The following PCDH1 variants were observed in gnomAD, a reference collection of about 807,000 sequenced individuals.
PCDH1 encodes protocadherin-1.
Under a neutral mutation model 74.6 loss-of-function variants are expected in PCDH1, and 23 were observed. That is an observed-to-expected ratio of 0.31 (90% CI 0.22 to 0.44). The LOEUF (loss-of-function observed/expected upper bound fraction) is 0.44, where lower values mean the gene tolerates loss of function less well. Among genes scored for constraint, PCDH1 ranks in the 20% least tolerant of loss-of-function variants. The probability of loss-of-function intolerance (pLI) is 1.00; values close to 1 mark genes in which losing one functional copy is unlikely to be tolerated. For missense variants in PCDH1, 1,214 were observed against 1,641.4 expected, an observed-to-expected ratio of 0.74 and a Z score of 4.50; for synonymous variants, 647 against 686.1, an observed-to-expected ratio of 0.94 and a Z score of 0.89.
At chr5:141,867,116 C>T (rs1218762326) in intron 2 of PCDH1, among the ~76,000 whole-genome samples, 2 of 152,222 alleles carry the variant, frequency 1.3e-5, no homozygotes, top group Non-Finnish European at 2.9e-5. Context: ...TCTCCCTTGG[C>T]TCTAGATTGG....
At chr5:141,860,209 C>T (rs193054799) in intron 3 of PCDH1, among the ~76,000 whole-genome samples, 1 of 152,218 alleles carries the variant, frequency 6.6e-6, no homozygotes, top group East Asian at 1.9e-4. Context: ...ATTCAGAAAA[C>T]TCAAGAGGTA....
chr5:141,855,217 C>T (rs56143201), intron 4 of PCDH1, among the ~76,000 whole-genome samples: 24,473 of 151,950 alleles, frequency 0.16, 2,018 homozygotes, highest in South Asian at 0.23. Flanking sequence ...TCAAGCAATC[C>T]GCCTGCCTCA....
rs780489492 is a variant in PCDH1, at chr5:141,868,508, G to A, written c.903+61C>T. ...AAGTGAAGGGAACTCTCACCTGGTT[G>A]GGTGGGCTCCCATTTCTAGTGGTGG... On this transcript the variant is annotated intron_variant, in intron 2 of 4. Coordinates refer to ENST00000287008, the MANE Select transcript of PCDH1 (RefSeq NM_032420.5). The surrounding 1 kb of genome is among the most constrained non-coding windows in gnomAD (Gnocchi z 4.8). The A allele has an allele frequency of 6.6e-7, 1 of 1,511,260 alleles. No homozygotes were observed. Among genetic ancestry groups the A allele is most frequent in the Non-Finnish European group, 8.8e-7 (1 of 1,131,938 alleles). 93.6% of individuals were successfully genotyped at this position (1,511,260 alleles called of 1,614,324 possible).
chr5:141,878,325 G>A lies in PCDH1; in HGVS notation c.-63C>T, dbSNP rs1753295647. 8.7e-7 allele frequency: 1 copy of A among 1,154,072 alleles called. No individual in the cohort carries two copies. The highest frequency in any genetic ancestry group is 1.1e-6 in the Non-Finnish European group (1 of 928,834). 71.5% of individuals were successfully genotyped at this position (1,154,072 alleles called of 1,614,324 possible). On this transcript the variant is annotated 5_prime_UTR_variant, in exon 1 of 5. Coordinates refer to ENST00000287008, the MANE Select transcript of PCDH1 (RefSeq NM_032420.5). This position sits in a 1 kb window ranked among gnomAD's most constrained non-coding sequence, Gnocchi z 5.5. ...ACGGCTGGGGCTGGAGCTGCAGTTC[G>A]GGCTCCGGCTCCGGCTCCGGCTGGC...
chr5:141,866,906 A>G lies in PCDH1; in HGVS notation c.904-1479T>C, dbSNP rs1248127044. Among the ~76,000 whole-genome samples, 8 of 152,278 alleles carry G rather than the reference A, an allele frequency of 5.3e-5. No homozygotes were observed. In the East Asian group the frequency reaches 1.5e-3, roughly 29 times the overall value. ...TGGGCACTGCACCTAGTGAGCCCTC[A>G]AGCCACTGCCAGTCCTCTCCTCCTT... On this transcript the variant is annotated intron_variant, in intron 2 of 4. Transcript: ENST00000287008.
chr5:141,854,698 T>A (rs937589021), intron 4 of PCDH1, among the ~76,000 whole-genome samples: 4 of 152,050 alleles, frequency 2.6e-5, no homozygotes, highest in Non-Finnish European at 4.4e-5. Flanking sequence ...TGAGATGGAG[T>A]CTTGCTCTTG....
At chr5:141,872,050 C>T (rs1006790377) in intron 1 of PCDH1, among the ~76,000 whole-genome samples, 3 of 152,012 alleles carry the variant, frequency 2.0e-5, no homozygotes, top group Non-Finnish European at 4.4e-5. Flanking sequence ...GTGTGTGCGG[C>T]GTTATCAGAT....
chr5:141,862,941 G>A, intron 3 of PCDH1: 1 of 1,236,044 alleles, frequency 8.1e-7, no homozygotes, highest in Non-Finnish European at 1.0e-6. Flanking sequence ...CAACCCATAA[G>A]GCCCAGTAGC....
At position 141,865,772 on chromosome 5, in the gene PCDH1, C is replaced by G. The variant is rs917014674; in HGVS notation, c.904-345G>C. 6.6e-6 allele frequency among the ~76,000 whole-genome samples: 1 copy of G among 152,216 alleles called. No individual in the cohort carries two copies. The highest frequency in any genetic ancestry group is 1.5e-5 in the Non-Finnish European group (1 of 68,040). ...AGGAGAGGATGAGGATCCAATAGAA[C>G]TAGGGAAGCCATTTCACCAATGAAC... On this transcript the variant is annotated intron_variant, in intron 2 of 4. Transcript: ENST00000287008. This position sits in a 1 kb window ranked among gnomAD's most constrained non-coding sequence, Gnocchi z 4.4.
rs374295073 is a variant in PCDH1 at position 141,865,009 on chromosome 5, T to A, written c.1322A>T (p.Gln441Leu). Reference protein sequence around the residue: ...TCVVAGDVPFQLRQASETGSD... With the variant: ...TCVVAGDVPFLLRQASETGSD... ...GCCTGTCTCACTGGCCTGGCGCAGC[T>A]GGAAGGGCACATCACCTGCCACCAC... The change falls in exon 3 of 5, where the codon CAG becomes CTG. Residue 441 changes from glutamine to leucine, a missense_variant. Physicochemically the swap from Gln to Leu is moderately radical, Grantham distance 113. Around this residue, in one of 4 missense-constraint regions of PCDH1, gnomAD observed 836 missense variants for 1,182.2 expected, o/e 0.71. Transcript: ENST00000287008. This position sits in a 1 kb window ranked among gnomAD's most constrained non-coding sequence, Gnocchi z 4.4. 1.9e-6 allele frequency: 3 copies of A among 1,614,136 alleles called. No individual in the cohort carries two copies. Among genetic ancestry groups the A allele is most frequent in the Non-Finnish European group, 2.5e-6 (3 of 1,180,026 alleles).
intron 3 of PCDH1, among the ~76,000 whole-genome samples, chr5:141,859,628 T>C (rs2126808179): frequency 6.6e-6 from 1 of 152,288 alleles, no homozygotes; most frequent in Non-Finnish European, 1.5e-5. Flanking sequence ...CTGAGAATCC[T>C]GGTAGCTCTC....
chr5:141,866,402 G>A (rs1011287647), intron 2 of PCDH1, among the ~76,000 whole-genome samples: 2 of 152,326 alleles, frequency 1.3e-5, no homozygotes, highest in East Asian at 1.9e-4. Flanking sequence ...ACGCGCACTC[G>A]ACTCAACTCT....
chr5:141,866,060 G>A, intron 2 of PCDH1: 1 of 985,932 alleles, frequency 1.0e-6, no homozygotes, highest in Middle Eastern at 5.2e-4. Flanking sequence ...GCACACATGA[G>A]TAAAGACTCA....
intron 1 of PCDH1, among the ~76,000 whole-genome samples, chr5:141,876,069 C>T (rs1379390761): frequency 2.0e-5 from 3 of 152,096 alleles, no homozygotes; most frequent in Admixed American, 2.0e-4. Flanking sequence ...CGGGCGCTCC[C>T]AGCACACACC....
At chr5:141,876,511 C>T (rs1645717469) in intron 1 of PCDH1, among the ~76,000 whole-genome samples, 1 of 152,214 alleles carries the variant, frequency 6.6e-6, no homozygotes, top group Admixed American at 6.5e-5. Flanking sequence ...TTGCCCTACG[C>T]TCAATCCTCC....
Position 141,863,149 on chromosome 5 carries a change from C to G in PCDH1, c.3099+83G>C. ...GGCAGGCACAGTAAACCTGCTCCATCACTCCCACACCTCGGTCCAGATGGC... is the reference window on the plus strand; with the variant it reads ...GGCAGGCACAGTAAACCTGCTCCATGACTCCCACACCTCGGTCCAGATGGC... On this transcript the variant is annotated intron_variant, in intron 3 of 4. Coordinates refer to ENST00000287008, the MANE Select transcript of PCDH1 (RefSeq NM_032420.5). This position sits in a 1 kb window ranked among gnomAD's most constrained non-coding sequence, Gnocchi z 7.5. 1 of 1,474,706 alleles carries G rather than the reference C, an allele frequency of 6.8e-7. No individual in the cohort carries two copies. Among genetic ancestry groups the G allele is most frequent in the Non-Finnish European group, 9.0e-7 (1 of 1,110,450 alleles). 91.4% of individuals were successfully genotyped at this position (1,474,706 alleles called of 1,614,324 possible).
chr5:141,872,452 T>A lies in PCDH1; in HGVS notation c.41-3021A>T, dbSNP rs116697937. On this transcript the variant is annotated intron_variant, in intron 1 of 4. Coordinates refer to ENST00000287008, the MANE Select transcript of PCDH1 (RefSeq NM_032420.5). ...AGATAGTTAATCTTCTGTGGTCACA[T>A]CCTCCTTCAAGAATTTTATAAAACC... Among the ~76,000 whole-genome samples, 295 of 152,316 alleles carry A rather than the reference T, an allele frequency of 1.9e-3. 1 individual carries two copies. The highest frequency in any genetic ancestry group is 6.8e-3 in the African/African-American group (281 of 41,566).
At chr5:141,866,324 C>T (rs1186747174) in intron 2 of PCDH1, 1 of 728,634 alleles carries the variant, frequency 1.4e-6, no homozygotes, top group Admixed American at 6.3e-5. Context: ...GGGCTGGGCT[C>T]CCAGCATCAA....
rs1752216379 is a variant in PCDH1, at chr5:141,853,985, G to A, written c.*57C>T. On this transcript the variant is annotated 3_prime_UTR_variant, in exon 5 of 5. Coordinates refer to ENST00000287008, the MANE Select transcript of PCDH1 (RefSeq NM_032420.5). ...GGTGGAGAGTGAGGCCCTGGAATGG[G>A]CCATTTGGGAGCTGGCCGGCGGCTG... 3 of 1,421,528 alleles carry A rather than the reference G, an allele frequency of 2.1e-6. No individual in the cohort carries two copies. The highest frequency in any genetic ancestry group is 4.9e-5 in the East Asian group (2 of 41,180). The allele number at this position is 1,421,528 out of a possible 1,614,324, so 88.1% of individuals were successfully genotyped here.
Sources: gnomAD v4.1 joint callset for allele counts (sites outside exome capture counted in the v4.1 genomes callset) on GRCh38, gnomAD v4.1.1 for gene constraint, gnomAD v4.1.1 regional missense constraint, Gnocchi (gnomAD v3.1) non-coding constraint, MANE v1.5 for transcripts, NCBI Gene and HGNC (gene_info 2026-07-23, HGNC 2026-07-21) for gene names.